The following HAUS7 variants were observed in gnomAD, a reference collection of about 807,000 sequenced individuals.
The protein encoded by HAUS7 is HAUS augmin like complex subunit 7.
A neutral mutation model predicts 28.4 loss-of-function variants in HAUS7; 3 were observed. That is an observed-to-expected ratio of 0.11 (90% CI 0.05 to 0.27). HAUS7 has a LOEUF of 0.27. HAUS7 is among the 10% of genes least tolerant of loss of function. The probability of loss-of-function intolerance (pLI) is 1.00; values close to 1 mark genes in which losing one functional copy is unlikely to be tolerated. For missense variants in HAUS7, 284 were observed against 297.3 expected (o/e 0.96, Z 0.33); for synonymous variants, 165 against 132.1 (o/e 1.25, Z -1.71).
intron 1 of HAUS7, among the ~76,000 whole-genome samples, chrX:153,491,578 C>T (rs2089671347): frequency 8.8e-6 from 1 of 113,223 alleles, no homozygotes; most frequent in African/African-American, 3.2e-5. Flanking sequence ...GCCGCCCCAC[C>T]TGCTACCTTC....
intron 4 of HAUS7, among the ~76,000 whole-genome samples, chrX:153,457,541 A>G (rs1440344378): frequency 8.8e-6 from 1 of 113,236 alleles, no homozygotes; most frequent in Non-Finnish European, 1.9e-5. Flanking sequence ...CAGGCAGCAC[A>G]CAGCAGGGCC....
At chrX:153,479,325 A>G in intron 1 of HAUS7, 1 of 753,926 alleles carries the variant, frequency 1.3e-6, no homozygotes, top group Non-Finnish European at 1.6e-6. Flanking sequence ...GAGGGGCCCC[A>G]CCAACCCCCA....
chrX:153,471,566 G>A (rs2089524524), upstream of HAUS7, among the ~76,000 whole-genome samples: 1 of 112,849 alleles, frequency 8.9e-6, no homozygotes, highest in African/African-American at 3.2e-5. Context: ...TGCTGATTGG[G>A]CAAGGCAGGA....
chrX:153,448,733 G>A (rs1000814907), intron 9 of HAUS7, among the ~76,000 whole-genome samples: 14 of 111,856 alleles, frequency 1.3e-4, no homozygotes, highest in South Asian at 3.7e-4. Flanking sequence ...AGGCACTGCC[G>A]AGCTGGGAGC....
chrX:153,463,819 C>A (rs1336668911), intron 3 of HAUS7, among the ~76,000 whole-genome samples: 1 of 113,026 alleles, frequency 8.8e-6, no homozygotes, highest in Non-Finnish European at 1.9e-5. Context: ...TCCGCCCCTC[C>A]TGCCATCTTA....
chrX:153,479,518 G>A (rs743645), intron 1 of HAUS7: 23,374 of 337,012 alleles, frequency 0.069, 710 homozygotes, highest in East Asian at 0.097. Flanking sequence ...AGGGGTGTGC[G>A]CAGACTCTAG....
intron 1 of HAUS7, among the ~76,000 whole-genome samples, chrX:153,491,775 C>G (rs1235411437): frequency 1.8e-5 from 2 of 113,113 alleles, no homozygotes; most frequent in Admixed American, 9.2e-5. Flanking sequence ...GCTGCCCTCC[C>G]CACGCAGCTG....
intron 1 of HAUS7, among the ~76,000 whole-genome samples, chrX:153,477,360 C>T (rs782628804): frequency 8.8e-6 from 1 of 113,377 alleles, no homozygotes; most frequent in South Asian, 3.5e-4. Context: ...GGGGCGGAGC[C>T]GGGGTTCCCA....
intron 2 of HAUS7, 48 bp from the exon 3 acceptor site, chrX:153,465,103 C>T (rs1556984081): frequency 2.3e-6 from 2 of 866,578 alleles, no homozygotes; most frequent in South Asian, 2.1e-5. Flanking sequence ...GCCAGAGAAT[C>T]CCCCTGGGCC....
intron 9 of HAUS7, among the ~76,000 whole-genome samples, chrX:153,450,104 G>A (rs1007802618): frequency 1.8e-5 from 2 of 111,990 alleles, no homozygotes; most frequent in South Asian, 7.4e-4. Flanking sequence ...CTGGTCTGCT[G>A]TGGTGGAGCC....
intron 2 of HAUS7, among the ~76,000 whole-genome samples, chrX:153,468,634 G>A (rs782492213): frequency 1.8e-5 from 2 of 112,489 alleles, no homozygotes; most frequent in South Asian, 7.3e-4. Context: ...GGCACCAGAG[G>A]ACTGGGAAAC....
At chrX:153,473,653 A>G (rs1556985738), upstream of HAUS7, among the ~76,000 whole-genome samples, 1 of 113,069 alleles carries the variant, frequency 8.8e-6, no homozygotes, top group African/African-American at 3.2e-5. Context: ...TGCGAGAAGC[A>G]AGTGGTGAGC....
intron 9 of HAUS7, among the ~76,000 whole-genome samples, chrX:153,451,945 T>C (rs782358485): frequency 8.9e-6 from 1 of 111,902 alleles, no homozygotes; most frequent in African/African-American, 3.3e-5. Context: ...AAAACATGAA[T>C]GACGACACAT....
At chrX:153,477,728 G>A (rs1556986502) in intron 1 of HAUS7, among the ~76,000 whole-genome samples, 1 of 112,609 alleles carries the variant, frequency 8.9e-6, no homozygotes, top group Non-Finnish European at 1.9e-5. Context: ...TGACTCCAGA[G>A]GCATTTGCTG....
chrX:153,473,258 C>T (rs1206977708), upstream of HAUS7, among the ~76,000 whole-genome samples: 2 of 112,797 alleles, frequency 1.8e-5, no homozygotes, highest in Non-Finnish European at 3.8e-5. Context: ...CCAAAGACAC[C>T]GCGAATCAAA....
chrX:153,483,539 G>A (rs1427625308), intron 1 of HAUS7: 8 of 687,343 alleles, frequency 1.2e-5, no homozygotes, highest in South Asian at 7.6e-5. Flanking sequence ...TGGGGAAGGC[G>A]GAGAGGGCAA....
At chrX:153,469,816 A>AAG (rs1242799700) in intron 1 of HAUS7, among the ~76,000 whole-genome samples, 1 of 111,203 alleles carries the variant, frequency 9.0e-6, no homozygotes, top group Non-Finnish European at 1.9e-5. Flanking sequence ...ACTAAGACTT[A>AAG]AGAGAGAGTC....
intron 4 of HAUS7, 94 bp from the exon 5 acceptor site, chrX:153,457,322 G>T (rs1263161329): frequency 3.7e-5 from 21 of 570,322 alleles, no homozygotes; most frequent in Middle Eastern, 3.3e-4. Flanking sequence ...TGCCACCCAT[G>T]CCAGGAGCCA....
chrX:153,485,665 A>C, intron 1 of HAUS7: 1 of 467,367 alleles, frequency 2.1e-6, no homozygotes, highest in Non-Finnish European at 2.7e-6. Flanking sequence ...TCTCGGAGTG[A>C]ATCCCCACGC....
Sources: allele counts gnomAD v4.1 joint callset (sites outside exome capture counted in the v4.1 genomes callset), GRCh38; gene constraint gnomAD v4.1.1; transcripts MANE v1.5; gene names NCBI Gene and HGNC (gene_info 2026-07-23, HGNC 2026-07-21).